Variants in NKAIN2 observed in about 807,000 individuals in gnomAD.
The protein encoded by NKAIN2 is sodium/potassium transporting ATPase interacting 2.
Under a neutral mutation model 32.6 loss-of-function variants are expected in NKAIN2, and 14 were observed. The ratio of observed to expected loss-of-function variants is 0.43; its 90% CI spans 0.28 to 0.67. The LOEUF is 0.67. Ranked by LOEUF, NKAIN2 falls within the 30% of genes least tolerant of loss-of-function variation. NKAIN2 has a pLI of 0.17. For synonymous variants in NKAIN2, 80 were observed against 87.2 expected, an observed-to-expected ratio of 0.92 and a Z score of 0.46; for missense variants, 198 against 258.3, an observed-to-expected ratio of 0.77 and a Z score of 1.60.
chr6:124,408,823 C>T (rs570315980), intron 3 of NKAIN2, among the ~76,000 whole-genome samples: 63 of 152,266 alleles, frequency 4.1e-4, no homozygotes, highest in African/African-American at 1.5e-3. Flanking sequence ...TTCTTCCTAC[C>T]CATGAGCATG....
At chr6:124,439,004 G>A (rs1049792495) in intron 3 of NKAIN2, among the ~76,000 whole-genome samples, 3 of 152,112 alleles carry the variant, frequency 2.0e-5, no homozygotes, top group Non-Finnish European at 2.9e-5. Flanking sequence ...TTCAATTACC[G>A]CTTATTAATC....
intron 3 of NKAIN2, among the ~76,000 whole-genome samples, chr6:124,640,778 G>A (rs1394038796): frequency 6.6e-6 from 1 of 152,172 alleles, no homozygotes; most frequent in African/African-American, 2.4e-5. Flanking sequence ...CTGGAAGTTC[G>A]ATGAACTTTA....
At chr6:123,998,157 A>C (rs1371223660) in intron 1 of NKAIN2, among the ~76,000 whole-genome samples, 4 of 152,170 alleles carry the variant, frequency 2.6e-5, no homozygotes. Flanking sequence ...GATGTGGGAA[A>C]AAAGTGACCT....
intron 1 of NKAIN2, among the ~76,000 whole-genome samples, chr6:123,850,403 C>G (rs1276412261): frequency 1.3e-5 from 2 of 150,306 alleles, no homozygotes; most frequent in Non-Finnish European, 3.0e-5. Context: ...TTTTTTTCCC[C>G]TCCAAGCTAA....
intron 3 of NKAIN2, among the ~76,000 whole-genome samples, chr6:124,582,255 G>A (rs1318983001): frequency 6.6e-6 from 1 of 152,158 alleles, no homozygotes; most frequent in Admixed American, 6.5e-5. Flanking sequence ...AGACTCATTA[G>A]TAGCTTCTAA....
At chr6:124,635,152 A>G (rs1371732024) in intron 3 of NKAIN2, among the ~76,000 whole-genome samples, 2 of 152,018 alleles carry the variant, frequency 1.3e-5, no homozygotes, top group Non-Finnish European at 2.9e-5. Context: ...TATTCTTCAG[A>G]ATTGAAGGTT....
intron 2 of NKAIN2, among the ~76,000 whole-genome samples, chr6:124,350,855 G>A (rs1798692161): frequency 6.6e-6 from 1 of 152,282 alleles, no homozygotes; most frequent in African/African-American, 2.4e-5. Flanking sequence ...TGCGCATGGT[G>A]GCACATGCCT....
At chr6:124,421,449 AT>A (rs201153330) in intron 3 of NKAIN2, among the ~76,000 whole-genome samples, 2,456 of 152,290 alleles carry the variant, frequency 0.016, 41 homozygotes, top group Non-Finnish European at 0.023. Context: ...TTTGGATACC[AT>A]CCACGCACAG....
At chr6:123,915,944 T>G (rs1481094746) in intron 1 of NKAIN2, among the ~76,000 whole-genome samples, 2 of 151,920 alleles carry the variant, frequency 1.3e-5, no homozygotes, top group Admixed American at 6.6e-5. Flanking sequence ...TCTGCATAGG[T>G]GTTTTGATTT....
intron 1 of NKAIN2, among the ~76,000 whole-genome samples, chr6:124,193,235 A>G (rs1160103774): frequency 6.6e-6 from 1 of 152,174 alleles, no homozygotes; most frequent in African/African-American, 2.4e-5. Context: ...TTGGCCCGGC[A>G]AACAGGGCTC....
At position 124,687,283 on chromosome 6, in the gene NKAIN2, G is replaced by A. The variant is rs1469455389; in HGVS notation, c.474+28897G>A. Among the ~76,000 whole-genome samples, 3 of 139,004 alleles carry A rather than the reference G, an allele frequency of 2.2e-5. 1 individual carries two copies. Among genetic ancestry groups the A allele is most frequent in the South Asian group, 4.4e-4 (2 of 4,498 alleles). 91.2% of individuals were successfully genotyped at this position (139,004 alleles called of 152,430 possible). A position where few individuals can be genotyped will look rare whatever the true frequency, so the allele number is the denominator to read the frequency against. ...TATATTCTCTCTATATATAGAGAGA[G>A]AATATATATATTCTATATATAGAGA... On this transcript the variant is annotated intron_variant, in intron 4 of 6. Transcript: ENST00000368417.
chr6:123,943,632 G>A (rs1479290367), intron 1 of NKAIN2, among the ~76,000 whole-genome samples: 1 of 151,984 alleles, frequency 6.6e-6, no homozygotes, highest in Non-Finnish European at 1.5e-5. Context: ...AACATATGAA[G>A]TATCTGACTC....
chr6:124,234,994 T>A (rs1269800640), intron 1 of NKAIN2, among the ~76,000 whole-genome samples: 1 of 152,152 alleles, frequency 6.6e-6, no homozygotes, highest in Non-Finnish European at 1.5e-5. Context: ...ACCATTCAGA[T>A]GGTGACAGGT....
intron 2 of NKAIN2, among the ~76,000 whole-genome samples, chr6:124,314,532 G>T (rs1032793001): frequency 6.6e-6 from 1 of 152,156 alleles, no homozygotes; most frequent in Admixed American, 6.5e-5. Flanking sequence ...CTGCAATGAT[G>T]TTGCAAATAA....
At chr6:124,136,634 A>G (rs1786803944) in intron 1 of NKAIN2, among the ~76,000 whole-genome samples, 1 of 152,188 alleles carries the variant, frequency 6.6e-6, no homozygotes, top group African/African-American at 2.4e-5. Flanking sequence ...GAAACCCAAC[A>G]GCGTCTCACA....
chr6:124,031,988 A>G (rs1781426022), intron 1 of NKAIN2, among the ~76,000 whole-genome samples: 1 of 152,032 alleles, frequency 6.6e-6, no homozygotes, highest in Non-Finnish European at 1.5e-5. Flanking sequence ...AGCACTATTC[A>G]CAATAGCAAA....
intron 3 of NKAIN2, among the ~76,000 whole-genome samples, chr6:124,355,906 A>AT (rs540592324): frequency 3.4e-4 from 51 of 152,126 alleles, no homozygotes; most frequent in African/African-American, 1.2e-3. Flanking sequence ...TTGCTACTAT[A>AT]TTTTTCACAT....
chr6:124,529,584 T>G (rs747368948), intron 3 of NKAIN2, among the ~76,000 whole-genome samples: 3 of 152,138 alleles, frequency 2.0e-5, no homozygotes, highest in African/African-American at 7.2e-5. Context: ...AAACCCTGCT[T>G]TGGCCAGGTC....
At chr6:124,598,010 A>G (rs1362306634) in intron 3 of NKAIN2, among the ~76,000 whole-genome samples, 2 of 152,194 alleles carry the variant, frequency 1.3e-5, no homozygotes, top group African/African-American at 2.4e-5. Flanking sequence ...TCAAACAGTC[A>G]TTAGTCTTCC....
Sources: allele counts gnomAD v4.1 joint callset (sites outside exome capture counted in the v4.1 genomes callset), GRCh38; gene constraint gnomAD v4.1.1; transcripts MANE v1.5; gene names NCBI Gene and HGNC (gene_info 2026-07-23, HGNC 2026-07-21).